Variants in CXXC1 observed in about 807,000 individuals in gnomAD.
The protein encoded by CXXC1 is CXXC finger protein 1.
A neutral mutation model predicts 83.6 loss-of-function variants in CXXC1; 21 were observed. The observed-to-expected ratio is 0.25, with a 90% CI of 0.18 to 0.36. The LOEUF is 0.36. Ranked by LOEUF, CXXC1 falls within the 10% of genes least tolerant of loss-of-function variation. The probability of loss-of-function intolerance (pLI) is 1.00; values close to 1 mark genes in which losing one functional copy is unlikely to be tolerated. For missense variants in CXXC1, 688 were observed against 919.5 expected (o/e 0.75, Z 3.26); for synonymous variants, 371 against 337.5 (o/e 1.10, Z -1.09).
chr18:50,286,914 C>T, intron 1 of CXXC1, 56 bp from the exon 2 acceptor site: 4 of 1,230,554 alleles, frequency 3.3e-6, no homozygotes, highest in Non-Finnish European at 4.8e-6. Flanking sequence ...GCGGCTCATC[C>T]CCCCATTACA....
At chr18:50,286,486 C>A (rs973761486) in intron 3 of CXXC1, 53 bp downstream of exon 3, 1 of 1,484,380 alleles carries the variant, frequency 6.7e-7, no homozygotes, top group Non-Finnish European at 9.4e-7. Flanking sequence ...CTTGTGGCTC[C>A]TCCTCCTCCC....
At chr18:50,286,303 T>C (rs1182763440) in intron 3 of CXXC1, 46 bp from the exon 4 acceptor site, 7 of 1,512,344 alleles carry the variant, frequency 4.6e-6, no homozygotes, top group Non-Finnish European at 6.3e-6. Context: ...ACTGGATGGC[T>C]TGAATGGTCC....
In CXXC1 at chr18:50,282,520, A is replaced by G. The variant is rs1352359359; in HGVS notation, c.*73T>C. 2 of 1,557,722 alleles carry G rather than the reference A, an allele frequency of 1.3e-6. No individual in the cohort carries two copies. The highest frequency in any genetic ancestry group is 1.7e-6 in the Non-Finnish European group (2 of 1,146,560). ...GAGAACCGGAGAAACAGATGAGTGG[A>G]GGAACGGACACACGGGCACCGGGCG... On this transcript the variant is annotated 3_prime_UTR_variant, in exon 15 of 15. Transcript: ENST00000285106. The surrounding 1 kb of genome is among the most constrained non-coding windows in gnomAD (Gnocchi z 5.8).
At chr18:50,284,204 G>A (rs1013179655) in intron 9 of CXXC1, 103 bp from the exon 10 acceptor site, 71 of 1,456,438 alleles carry the variant, frequency 4.9e-5, no homozygotes, top group Admixed American at 2.8e-4. Context: ...GGTGACTGGC[G>A]GAATGGTGGC....
intron 13 of CXXC1, 61 bp from the exon 14 acceptor site, chr18:50,283,067 C>T (rs2040590424): frequency 1.3e-6 from 2 of 1,571,378 alleles, no homozygotes; most frequent in Non-Finnish European, 1.7e-6. Context: ...GGAATGGGGG[C>T]TCAAGGAGGG....
At position 50,285,682 on chromosome 18, in the gene CXXC1, T is replaced by TAG. The variant is rs2040701718; in HGVS notation, c.639+66_639+67insCT. 6.4e-7 allele frequency: 1 copy of TAG among 1,558,390 alleles called. No individual in the cohort carries two copies. Among genetic ancestry groups the TAG allele is most frequent in the African/African-American group, 1.3e-5 (1 of 74,206 alleles). On this transcript the variant is annotated intron_variant, in intron 5 of 14. Transcript: ENST00000285106. The surrounding 1 kb of genome is among the most constrained non-coding windows in gnomAD (Gnocchi z 4.4). ...CACCTGGTTTATCCATGCCTAGACTTAACTAACCATGCATGGACCCACCAG... is the reference window on the plus strand; with the variant it reads ...CACCTGGTTTATCCATGCCTAGACTTAGAACTAACCATGCATGGACCCACCAG...
At position 50,285,177 on chromosome 18, in the gene CXXC1, T is replaced by C. The variant is rs2040693550; in HGVS notation, c.737A>G (p.Gln246Arg). ...RRPLPTQQQP[Q>R]PSQKLGRIRE... The stretch of plus-strand genomic sequence containing the variant: ...GATGCGCCCTAACTTCTGTGATGGC[T>C]GTGGCTGCTGTTGGGTGGGCAGTGG... Residue 246 changes from glutamine to arginine, a missense_variant, in exon 7 of 15, where the codon CAG becomes CGG. Around this residue, in one of 9 missense-constraint regions of CXXC1, gnomAD observed 190 missense variants for 199.7 expected, o/e 0.95. Transcript: ENST00000285106. The surrounding 1 kb of genome is among the most constrained non-coding windows in gnomAD (Gnocchi z 4.4). 1.2e-6 allele frequency: 2 copies of C among 1,614,224 alleles called. No individual in the cohort carries two copies. The highest frequency in any genetic ancestry group is 4.5e-5 in the East Asian group (2 of 44,886).
chr18:50,282,502 G>C lies in CXXC1; in HGVS notation c.*91C>G. 6.6e-7 allele frequency: 1 copy of C among 1,506,156 alleles called. No individual in the cohort carries two copies. The highest frequency in any genetic ancestry group is 1.7e-5 in the Admixed American group (1 of 58,636). 93.3% of individuals were successfully genotyped at this position (1,506,156 alleles called of 1,614,324 possible). A position where few individuals can be genotyped will look rare whatever the true frequency, so the allele number is the denominator to read the frequency against. On this transcript the variant is annotated 3_prime_UTR_variant, in exon 15 of 15. Coordinates refer to ENST00000285106, the MANE Select transcript of CXXC1 (RefSeq NM_014593.4). The surrounding 1 kb of genome is among the most constrained non-coding windows in gnomAD (Gnocchi z 5.8). The stretch of plus-strand genomic sequence containing the variant: ...CCGGTGGATGGGCACAGGGAGAACC[G>C]GAGAAACAGATGAGTGGAGGAACGG...
Position 50,283,939 on chromosome 18 carries a change from G to A in CXXC1, c.1368C>T (p.Ala456=), listed in dbSNP as rs749799799. 14 of 1,613,912 alleles carry A rather than the reference G, an allele frequency of 8.7e-6. No homozygotes were observed. In the East Asian group the frequency reaches 2.9e-4, roughly 33 times the overall value. ...EMERRFHELE[A]IILRAKQQAV... is the part of the protein sequence containing the mutation. ...CCTGCTGCTTGGCACGTAGAATGAT[G>A]GCCTCAAGCTCATGGAATCGGCGTT... is the stretch of plus-strand genomic sequence containing the variant. The change falls in exon 10 of 15, where the codon GCC becomes GCT. Residue 456 remains alanine (A), a synonymous_variant. Transcript: ENST00000285106.
rs1416241931 is a variant in CXXC1, at chr18:50,285,034, A to G, written c.880T>C (p.Phe294Leu). ...TGGTCATCAAAGGCCCCTGCACAGA[A>G]GTCCTGATACAGGTCAGGATCCAGA... ...LPLDPDLYQD[F>L]CAGAFDDHGL... is the part of the protein sequence containing the mutation. Residue 294 changes from phenylalanine to leucine, a missense_variant, in exon 7 of 15, where the codon TTC becomes CTC. Transcript: ENST00000285106. The surrounding 1 kb of genome is among the most constrained non-coding windows in gnomAD (Gnocchi z 4.4). The G allele has an allele frequency of 1.9e-6, 3 of 1,614,226 alleles. No individual in the cohort carries two copies. Among genetic ancestry groups the G allele is most frequent in the Non-Finnish European group, 2.5e-6 (3 of 1,180,038 alleles).
intron 1 of CXXC1, chr18:50,287,217 T>C (rs2040728643): frequency 6.1e-6 from 3 of 493,400 alleles, no homozygotes; most frequent in South Asian, 5.1e-5. Context: ...TAGACCCACC[T>C]GGCACCCGCA....
intron 1 of CXXC1, 130 bp downstream of exon 1, chr18:50,287,457 T>C (rs746467842): frequency 2.7e-6 from 3 of 1,130,286 alleles, no homozygotes; most frequent in African/African-American, 3.1e-5. Flanking sequence ...ATTCTGCCCA[T>C]AGACTCCCGC....
chr18:50,284,137 G>C, intron 9 of CXXC1, 36 bp from the exon 10 acceptor site: 1 of 1,584,456 alleles, frequency 6.3e-7, no homozygotes, highest in Non-Finnish European at 8.6e-7. Context: ...AATGAGTGAG[G>C]TGATCAGTAA....
In CXXC1 at chr18:50,286,263, G is replaced by A. The variant is rs2040712940; in HGVS notation, c.224-6C>T. 1 of 1,595,074 alleles carries A rather than the reference G, an allele frequency of 6.3e-7. No individual in the cohort carries two copies. Among genetic ancestry groups the A allele is most frequent in the African/African-American group, 1.3e-5 (1 of 74,662 alleles). ...CTCTAGCTTGGGGTCTTTCTCTGTGGGGCAGAGAGTAGGGCCAAAGTGAGT... is the reference window on the plus strand; with the variant it reads ...CTCTAGCTTGGGGTCTTTCTCTGTGAGGCAGAGAGTAGGGCCAAAGTGAGT... On this transcript the variant is annotated splice_region_variant and splice_polypyrimidine_tract_variant and intron_variant, in intron 3 of 14. Transcript: ENST00000285106.
rs1828052824 is a variant in CXXC1 at position 50,285,855 on chromosome 18, G to C, written c.533C>G (p.Thr178Ser). 1 of 1,614,080 alleles carries C rather than the reference G, an allele frequency of 6.2e-7. No individual in the cohort carries two copies. Among genetic ancestry groups the C allele is most frequent in the African/African-American group, 1.3e-5 (1 of 74,916 alleles). The change falls in exon 5 of 15, where the codon ACT becomes AGT. Residue 178 changes from threonine to serine, a missense_variant. Thr to Ser is a moderately conservative substitution (Grantham distance 58). Coordinates refer to ENST00000285106, the MANE Select transcript of CXXC1 (RefSeq NM_014593.4). This position sits in a 1 kb window ranked among gnomAD's most constrained non-coding sequence, Gnocchi z 4.4. ...MCGECEACRR[T>S]EDCGHCDFCR... ...GAAATCACAGTGACCACAGTCCTCA[G>C]TGCGCCGACATGCCTCACACTCACC...
rs1344427123 is a variant in CXXC1, at chr18:50,282,477, C to T, written c.*116G>A. 3.7e-6 allele frequency: 5 copies of T among 1,349,636 alleles called. No individual in the cohort carries two copies. Among genetic ancestry groups the T allele is most frequent in the African/African-American group, 1.4e-5 (1 of 70,162 alleles). 83.6% of individuals were successfully genotyped at this position (1,349,636 alleles called of 1,614,324 possible). A position where few individuals can be genotyped will look rare whatever the true frequency, so the allele number is the denominator to read the frequency against. On this transcript the variant is annotated 3_prime_UTR_variant, in exon 15 of 15. Coordinates refer to ENST00000285106, the MANE Select transcript of CXXC1 (RefSeq NM_014593.4). This position sits in a 1 kb window ranked among gnomAD's most constrained non-coding sequence, Gnocchi z 5.8. ...CTGATAAAGGCAGATGGGCGGTCAA[C>T]CGGTGGATGGGCACAGGGAGAACCG...
In CXXC1 at chr18:50,287,680, G is replaced by A. The variant is rs1009064981; in HGVS notation, c.-91C>T. The A allele has an allele frequency of 5.8e-6, 9 of 1,539,114 alleles. No individual in the cohort carries two copies. In the African/African-American group the frequency reaches 8.2e-5, roughly 14 times the overall value. ...CGGCGGCGTCCCAGGCGGTTGCAAA[G>A]GCGCCCACAACTACTTCCGCTTCTA... On this transcript the variant is annotated 5_prime_UTR_variant, in exon 1 of 15. Transcript: ENST00000285106.
rs527645784 is a variant in CXXC1, at chr18:50,285,904, T to TCTG, written c.481_483dup (p.Gln161dup). ...CCACACATGCGGGCTGACCGTTTGATCTGCTGCTGCTGCTGCTGGTGATGC... is the reference window on the plus strand; with the variant it reads ...CCACACATGCGGGCTGACCGTTTGATCTGCTGCTGCTGCTGCTGCTGGTGATGC... On this transcript the variant is annotated inframe_insertion, in exon 5 of 15. Coordinates refer to ENST00000285106, the MANE Select transcript of CXXC1 (RefSeq NM_014593.4). The surrounding 1 kb of genome is among the most constrained non-coding windows in gnomAD (Gnocchi z 4.4). The TCTG allele has an allele frequency of 2.8e-5, 45 of 1,613,214 alleles. No individual in the cohort carries two copies. Among genetic ancestry groups the TCTG allele is most frequent in the African/African-American group, 5.3e-5 (4 of 74,988 alleles).
At chr18:50,283,056 A>G in intron 13 of CXXC1, 50 bp from the exon 14 acceptor site, 2 of 1,596,754 alleles carry the variant, frequency 1.3e-6, no homozygotes, top group Non-Finnish European at 1.7e-6. Flanking sequence ...AAGGGAGAAT[A>G]GGAATGGGGG....
Sources: gnomAD v4.1 joint callset for allele counts on GRCh38, gnomAD v4.1.1 for gene constraint, gnomAD v4.1.1 regional missense constraint, Gnocchi (gnomAD v3.1) non-coding constraint, MANE v1.5 for transcripts, NCBI Gene and HGNC (gene_info 2026-07-23, HGNC 2026-07-21) for gene names.